LITAF: variants seen among roughly 807,000 people sequenced by gnomAD.
LITAF encodes lipopolysaccharide-induced tumor necrosis factor-alpha factor.
LITAF carries 9 observed loss-of-function variants against 14.5 expected under a neutral mutation model. The observed-to-expected ratio is 0.62, with a 90% CI of 0.37 to 1.08. LITAF has a LOEUF of 1.08. LITAF is among the 50% of genes least tolerant of loss of function. The pLI is 0.01. For missense variants in LITAF, 206 were observed against 213.4 expected, an observed-to-expected ratio of 0.97 and a Z score of 0.22; for synonymous variants, 98 against 88.2, an observed-to-expected ratio of 1.11 and a Z score of -0.62.
chr16:11,579,845 A>T (rs1371963320), intron 1 of LITAF, among the ~76,000 whole-genome samples: 1 of 152,216 alleles, frequency 6.6e-6, no homozygotes, highest in Non-Finnish European at 1.5e-5. Context: ...GGGGCTCAGG[A>T]CACACTACCC....
intron 3 of LITAF, among the ~76,000 whole-genome samples, chr16:11,631,587 A>C (rs527946578): frequency 6.6e-6 from 1 of 152,178 alleles, no homozygotes; most frequent in African/African-American, 2.4e-5. Flanking sequence ...ACAGGGTTTC[A>C]CTACGTTGCC....
In LITAF at chr16:11,632,708, T is replaced by C. The variant is rs1229338936; in HGVS notation, c.85+825A>G. On this transcript the variant is annotated intron_variant, in intron 3 of 3. Transcript: ENST00000574848. The surrounding 1 kb of genome is among the most constrained non-coding windows in gnomAD (Gnocchi z 4.8). ...GCCACCCAGGCCCTTCTTTCGGTTC[T>C]GCAAATGCCACTGGCTCTGCTGGCT... 6.6e-6 allele frequency among the ~76,000 whole-genome samples: 1 copy of C among 152,222 alleles called. No homozygotes were observed. Among genetic ancestry groups the C allele is most frequent in the African/African-American group, 2.4e-5 (1 of 41,452 alleles).
chr16:11,574,224 T>G lies in LITAF; in HGVS notation c.-6+12662A>C, dbSNP rs373678449. Among the ~76,000 whole-genome samples, 57 of 152,128 alleles carry G rather than the reference T, an allele frequency of 3.7e-4. No individual in the cohort carries two copies. The South Asian group carries it at 0.01, about 28-fold the overall frequency. ...ACCTAGCTAATTTTTTTATTTTTTGTAGAGACGGGGTCTCAGTATGTTGAC... is the reference window on the plus strand; with the variant it reads ...ACCTAGCTAATTTTTTTATTTTTTGGAGAGACGGGGTCTCAGTATGTTGAC... On this transcript the variant is annotated intron_variant, in intron 1 of 3. Coordinates refer to ENST00000622633, the MANE Select transcript of LITAF (RefSeq NM_001136472.2).
chr16:11,568,460 A>G (rs1043066906), intron 1 of LITAF, among the ~76,000 whole-genome samples: 4 of 152,022 alleles, frequency 2.6e-5, no homozygotes, highest in African/African-American at 9.7e-5. Flanking sequence ...CACTTGTTCA[A>G]TGGGGACAAG....
chr16:11,568,673 G>GTTTTTTTTTTTTTTTTTTTTT (rs374757371), intron 1 of LITAF, among the ~76,000 whole-genome samples: 2 of 116,370 alleles, frequency 1.7e-5, no homozygotes, highest in Non-Finnish European at 1.8e-5. Flanking sequence ...GTACACCCTT[G>GTTTTTTTTTTTTTTTTTTTTT]TTTTTTTTTG....
intron 1 of LITAF, among the ~76,000 whole-genome samples, chr16:11,557,864 T>C (rs1269949604): frequency 6.6e-6 from 1 of 152,090 alleles, no homozygotes; most frequent in African/African-American, 2.4e-5. Flanking sequence ...AAAGAAAGGA[T>C]TTCCCTCCAG....
At chr16:11,615,214 G>T (rs961364031) in intron 3 of LITAF, among the ~76,000 whole-genome samples, 4 of 152,194 alleles carry the variant, frequency 2.6e-5, no homozygotes, top group African/African-American at 4.8e-5. Flanking sequence ...CTACCCTGGG[G>T]TGTAAATGGC....
intron 3 of LITAF, among the ~76,000 whole-genome samples, chr16:11,552,565 G>A (rs1374217987): frequency 6.6e-6 from 1 of 152,164 alleles, no homozygotes; most frequent in Non-Finnish European, 1.5e-5. Context: ...TGAGGATATT[G>A]CCCTGTACAC....
At chr16:11,601,872 G>C (rs2064930139), upstream of LITAF, among the ~76,000 whole-genome samples, 2 of 152,168 alleles carry the variant, frequency 1.3e-5, no homozygotes, top group African/African-American at 4.8e-5. Flanking sequence ...TGGCTTTGTA[G>C]TCCAGAATTC....
chr16:11,615,537 C>CAATA (rs1567264396), intron 3 of LITAF, among the ~76,000 whole-genome samples: 1 of 151,550 alleles, frequency 6.6e-6, no homozygotes. Context: ...AACTCCGTCT[C>CAATA]AATAAATAAA....
chr16:11,610,449 C>T (rs554501215), intron 3 of LITAF, among the ~76,000 whole-genome samples: 3 of 152,130 alleles, frequency 2.0e-5, no homozygotes, highest in Admixed American at 6.5e-5. Flanking sequence ...CCAGCCTGCA[C>T]GCTGGGCAGT....
intron 3 of LITAF, among the ~76,000 whole-genome samples, chr16:11,618,552 G>A (rs1380222575): frequency 6.6e-6 from 1 of 152,186 alleles, no homozygotes; most frequent in South Asian, 2.1e-4. Flanking sequence ...GGGCTCCCCG[G>A]GCTTTCGCTG....
chr16:11,576,867 T>A (rs956910729), intron 1 of LITAF, among the ~76,000 whole-genome samples: 1 of 152,238 alleles, frequency 6.6e-6, no homozygotes, highest in African/African-American at 2.4e-5. Flanking sequence ...TTACTTCCTT[T>A]GTTCTGGCCA....
intron 1 of LITAF, among the ~76,000 whole-genome samples, chr16:11,564,576 T>G (rs2064422296): frequency 7.9e-6 from 1 of 127,382 alleles, no homozygotes; most frequent in Non-Finnish European, 1.6e-5. Context: ...TTTTTTTTTT[T>G]TAATGGGGAG....
At chr16:11,557,063 T>TG (rs2064282216) in intron 1 of LITAF, among the ~76,000 whole-genome samples, 1 of 80,286 alleles carries the variant, frequency 1.2e-5, no homozygotes, top group South Asian at 3.8e-4. Context: ...TCTTCTTCGT[T>TG]GTTTTTTTTT....
rs1042663044 is a variant in LITAF at position 11,565,439 on chromosome 16, C to T, written c.-5-8704G>A. ...ATGTGACTTTCTCTTCACTAAAAAG[C>T]GGGGGGCGGGGGGGTGGGGGGAGGT... is the stretch of plus-strand genomic sequence containing the variant. On this transcript the variant is annotated intron_variant, in intron 1 of 3. Coordinates refer to ENST00000622633, the MANE Select transcript of LITAF (RefSeq NM_001136472.2). Among the ~76,000 whole-genome samples the T allele has an allele frequency of 0.02, 24 of 1,188 alleles. No homozygotes were observed. In the East Asian group the frequency reaches 0.31, roughly 16 times the overall value. The allele number at this position is 1,188 out of a possible 152,430, so 0.8% of individuals were successfully genotyped here.
chr16:11,562,435 T>C (rs1259550717), intron 1 of LITAF, among the ~76,000 whole-genome samples: 1 of 150,232 alleles, frequency 6.7e-6, no homozygotes, highest in Non-Finnish European at 1.5e-5. Context: ...ATGTGACCGG[T>C]GGTGACAGAA....
intron 3 of LITAF, among the ~76,000 whole-genome samples, chr16:11,609,794 C>G (rs1343368325): frequency 6.6e-6 from 1 of 152,150 alleles, no homozygotes; most frequent in Non-Finnish European, 1.5e-5. Flanking sequence ...ACTCCAGAAG[C>G]CTCCAGAATG....
chr16:11,552,888 T>C (rs1490632757), intron 3 of LITAF, among the ~76,000 whole-genome samples: 2 of 150,160 alleles, frequency 1.3e-5, no homozygotes, highest in Admixed American at 1.3e-4. Context: ...CTGAGGCGGG[T>C]GGACCACCTG....
Sources: gnomAD v4.1 joint callset for allele counts (sites outside exome capture counted in the v4.1 genomes callset) on GRCh38, gnomAD v4.1.1 for gene constraint, Gnocchi (gnomAD v3.1) non-coding constraint, MANE v1.5 for transcripts, NCBI Gene and HGNC (gene_info 2026-07-23, HGNC 2026-07-21) for gene names.